Variants in CDK6 observed in about 807,000 individuals in gnomAD.
CDK6 encodes cyclin dependent kinase 6.
Under a neutral mutation model 37.1 loss-of-function variants are expected in CDK6, and 6 were observed. That is an observed-to-expected ratio of 0.16 (90% CI 0.09 to 0.32). CDK6 has a LOEUF of 0.32. Among genes scored for constraint, CDK6 ranks in the 10% least tolerant of loss-of-function variants. The pLI is 1.00. For missense variants in CDK6, 224 were observed against 418.9 expected (o/e 0.53, Z 4.06); for synonymous variants, 160 against 161.3 (o/e 0.99, Z 0.06).
chr7:92,648,916 A>G (rs1337253529), intron 5 of CDK6, among the ~76,000 whole-genome samples: 1 of 152,206 alleles, frequency 6.6e-6, no homozygotes, highest in Non-Finnish European at 1.5e-5. Context: ...ACAACAAGCT[A>G]CAATTCATAA....
intron 5 of CDK6, among the ~76,000 whole-genome samples, chr7:92,637,522 C>G (rs561246102): frequency 2.6e-5 from 4 of 152,128 alleles, no homozygotes; most frequent in African/African-American, 7.2e-5. Flanking sequence ...TAGATAAAAA[C>G]CAGTGTGACC....
rs1160098359 is a variant in CDK6 at position 92,609,874 on chromosome 7, A to T, written c.*5266T>A. On this transcript the variant is annotated 3_prime_UTR_variant, in exon 8 of 8. Transcript: ENST00000424848. ...CTTAAATGATCAAAATGGGTGTATTATCCATCCTTAAGAACAATTTATTTG... is the reference window on the plus strand; with the variant it reads ...CTTAAATGATCAAAATGGGTGTATTTTCCATCCTTAAGAACAATTTATTTG... The T allele has an allele frequency of 4.3e-6, 1 of 230,522 alleles. No individual in the cohort carries two copies. Among genetic ancestry groups the T allele is most frequent in the Non-Finnish European group, 8.6e-6 (1 of 116,498 alleles). The allele number at this position is 230,522 out of a possible 1,614,324, so 14.3% of individuals were successfully genotyped here.
chr7:92,746,359 C>T (rs1799058238), intron 3 of CDK6, among the ~76,000 whole-genome samples: 1 of 152,106 alleles, frequency 6.6e-6, no homozygotes, highest in Non-Finnish European at 1.5e-5. Flanking sequence ...CAAAGCATCC[C>T]TAATCTGAAA....
intron 4 of CDK6, among the ~76,000 whole-genome samples, chr7:92,699,420 C>A (rs1797792991): frequency 6.6e-6 from 1 of 152,156 alleles, no homozygotes; most frequent in Admixed American, 6.6e-5. Flanking sequence ...ATCAGAATGG[C>A]TTCTAAAAGC....
At chr7:92,758,851 C>T (rs762114150) in intron 3 of CDK6, among the ~76,000 whole-genome samples, 2 of 152,016 alleles carry the variant, frequency 1.3e-5, no homozygotes, top group Non-Finnish European at 2.9e-5. Context: ...GATTTTTCAC[C>T]TCCCTGGTTA....
At chr7:92,713,422 G>A (rs890706844) in intron 4 of CDK6, among the ~76,000 whole-genome samples, 1 of 151,984 alleles carries the variant, frequency 6.6e-6, no homozygotes, top group African/African-American at 2.4e-5. Flanking sequence ...CATTTATGCA[G>A]TTTTATTAAA....
chr7:92,787,624 G>A (rs543710852), intron 2 of CDK6, among the ~76,000 whole-genome samples: 38 of 152,070 alleles, frequency 2.5e-4, no homozygotes, highest in Admixed American at 1.0e-3. Flanking sequence ...CATTACTGCC[G>A]CATTAAAGTA....
intron 3 of CDK6, among the ~76,000 whole-genome samples, chr7:92,768,406 A>G (rs1163631990): frequency 6.6e-6 from 1 of 152,250 alleles, no homozygotes; most frequent in Admixed American, 6.5e-5. Flanking sequence ...AACCAGAACT[A>G]TGTTATTCCA....
At chr7:92,660,636 T>C (rs1295038396) in intron 5 of CDK6, among the ~76,000 whole-genome samples, 1 of 152,152 alleles carries the variant, frequency 6.6e-6, no homozygotes, top group Non-Finnish European at 1.5e-5. Context: ...GGCAGGTTAC[T>C]GGGTGACTGT....
At chr7:92,672,540 T>C (rs1020496370) in intron 4 of CDK6, among the ~76,000 whole-genome samples, 1 of 150,372 alleles carries the variant, frequency 6.7e-6, no homozygotes, top group African/African-American at 2.4e-5. Context: ...CAACAATTTT[T>C]CCTGCCAGGT....
At chr7:92,694,451 A>G (rs954254681) in intron 4 of CDK6, among the ~76,000 whole-genome samples, 4 of 152,198 alleles carry the variant, frequency 2.6e-5, no homozygotes, top group Non-Finnish European at 5.9e-5. Flanking sequence ...CATTTACAGA[A>G]ATCAAACTTT....
chr7:92,723,887 C>T (rs1798423162), intron 4 of CDK6, among the ~76,000 whole-genome samples: 2 of 146,796 alleles, frequency 1.4e-5, no homozygotes, highest in African/African-American at 5.1e-5. Context: ...ATTGATGTTA[C>T]GCACAAGCTC....
At chr7:92,616,103 G>A (rs772539806) in intron 7 of CDK6, among the ~76,000 whole-genome samples, 5 of 152,084 alleles carry the variant, frequency 3.3e-5, no homozygotes, top group Middle Eastern at 3.2e-3. Context: ...TGCCACAGGA[G>A]CTCACAAGTA....
chr7:92,664,526 T>C (rs1796913028), intron 5 of CDK6, among the ~76,000 whole-genome samples: 1 of 152,244 alleles, frequency 6.6e-6, no homozygotes, highest in Admixed American at 6.5e-5. Context: ...CACTGTCAGT[T>C]TCTCAGCTAC....
intron 5 of CDK6, among the ~76,000 whole-genome samples, chr7:92,652,495 T>C (rs1796598823): frequency 6.6e-6 from 1 of 152,242 alleles, no homozygotes; most frequent in South Asian, 2.1e-4. Flanking sequence ...ATTTTAGTCA[T>C]ACTTAATTAG....
chr7:92,705,656 C>T (rs942414071), intron 4 of CDK6, among the ~76,000 whole-genome samples: 2 of 152,200 alleles, frequency 1.3e-5, no homozygotes, highest in African/African-American at 4.8e-5. Flanking sequence ...CACAACACTA[C>T]TTATGTGGCC....
chr7:92,765,526 CTGTAA>C (rs1164244628), intron 3 of CDK6, among the ~76,000 whole-genome samples: 1 of 152,004 alleles, frequency 6.6e-6, no homozygotes, highest in Admixed American at 6.6e-5. Context: ...GCTTATTTTT[CTGTAA>C]TATAAATATT....
rs536865499 is a variant in CDK6, at chr7:92,835,463, C to A, written c.-368+1015G>T. On this transcript the variant is annotated intron_variant, in intron 1 of 7. Transcript: ENST00000424848. This position sits in a 1 kb window ranked among gnomAD's most constrained non-coding sequence, Gnocchi z 4.2. ...ACGGGAGCAGCAATGCCTTTTCCCC[C>A]CCTCTCCTCCACTTTTTTTTGTTGT... 2.0e-5 allele frequency among the ~76,000 whole-genome samples: 3 copies of A among 152,136 alleles called. No individual in the cohort carries two copies. The highest frequency in any genetic ancestry group is 2.9e-5 in the Non-Finnish European group (2 of 68,014).
chr7:92,781,875 G>C (rs943489208), intron 2 of CDK6, among the ~76,000 whole-genome samples: 13 of 152,160 alleles, frequency 8.5e-5, no homozygotes, highest in African/African-American at 3.1e-4. Flanking sequence ...ACTATGTCTT[G>C]TATGCACCAA....
Sources: gnomAD v4.1 joint callset for allele counts (sites outside exome capture counted in the v4.1 genomes callset) on GRCh38, gnomAD v4.1.1 for gene constraint, Gnocchi (gnomAD v3.1) non-coding constraint, MANE v1.5 for transcripts, NCBI Gene and HGNC (gene_info 2026-07-23, HGNC 2026-07-21) for gene names.